The following ALLC variants were observed in gnomAD, a reference collection of about 807,000 sequenced individuals.
ALLC encodes probable inactive allantoicase.
A neutral mutation model predicts 45.0 loss-of-function variants in ALLC; 40 were observed. The observed-to-expected ratio is 0.89, with a 90% CI of 0.69 to 1.16. The LOEUF (loss-of-function observed/expected upper bound fraction) is 1.16, where lower values mean the gene tolerates loss of function less well. Ranked by LOEUF, ALLC falls within the 50% of genes most tolerant of loss-of-function variation. ALLC has a pLI of 0.00. For synonymous variants in ALLC, 176 were observed against 178.1 expected (o/e 0.99, Z 0.09); for missense variants, 488 against 493.1 (o/e 0.99, Z 0.10).
chr2:3,682,896 TA>T (rs1667231196), intron 6 of ALLC, 45 bp from the exon 7 acceptor site: 1 of 1,601,178 alleles, frequency 6.2e-7, no homozygotes, highest in Non-Finnish European at 8.5e-7. Context: ...TGACAGAATT[TA>T]TTGTTTTCAA....
intron 6 of ALLC, among the ~76,000 whole-genome samples, chr2:3,682,577 G>A (rs1236240050): frequency 6.6e-6 from 1 of 152,256 alleles, no homozygotes; most frequent in South Asian, 2.1e-4. Flanking sequence ...CCAGGCTGGA[G>A]TGCAGGGGCG....
At chr2:3,696,589 G>A (rs915548961) in intron 9 of ALLC, among the ~76,000 whole-genome samples, 3 of 152,112 alleles carry the variant, frequency 2.0e-5, no homozygotes, top group African/African-American at 7.2e-5. Flanking sequence ...ACATTCCTCT[G>A]TTTCTTCAAT....
At chr2:3,665,900 C>T (rs1572506185) in intron 1 of ALLC, among the ~76,000 whole-genome samples, 1 of 152,282 alleles carries the variant, frequency 6.6e-6, no homozygotes, top group Non-Finnish European at 1.5e-5. Context: ...GGTGGGGCTA[C>T]ACAGAGTGAA....
chr2:3,692,696 G>A (rs896217858), intron 7 of ALLC, among the ~76,000 whole-genome samples: 1 of 152,162 alleles, frequency 6.6e-6, no homozygotes, highest in Non-Finnish European at 1.5e-5. Flanking sequence ...GGGGACCTGT[G>A]GAACAAACCT....
At chr2:3,649,495 C>T in the ALLC span, among the ~76,000 whole-genome samples, 2 of 152,246 alleles carry the variant, frequency 1.3e-5, no homozygotes, top group Admixed American at 1.3e-4. Context: ...CCCGCCTCGG[C>T]CTCCCAAAGT....
At chr2:3,696,767 T>G (rs143412178) in intron 9 of ALLC, among the ~76,000 whole-genome samples, 2,184 of 152,334 alleles carry the variant, frequency 0.014, 52 homozygotes, top group Admixed American at 0.055. Flanking sequence ...TCCATGCAGC[T>G]GTTTAATTTG....
Position 3,661,946 on chromosome 2 carries a change from C to G in ALLC, c.-63+3652C>G, listed in dbSNP as rs1039199452. 2.0e-5 allele frequency among the ~76,000 whole-genome samples: 3 copies of G among 152,126 alleles called. No homozygotes were observed. In the East Asian group the frequency reaches 5.8e-4, roughly 29 times the overall value. On this transcript the variant is annotated intron_variant, in intron 1 of 11. Coordinates refer to ENST00000252505, the MANE Select transcript of ALLC (RefSeq NM_018436.4). ...GAGGCTCTGGGAGCATCCTCTTCTG[C>G]CTTGTTGGGGTTGTGGGCAGAATCC...
intron 10 of ALLC, 137 bp downstream of exon 10, chr2:3,697,593 A>G: frequency 1.6e-6 from 1 of 623,836 alleles, no homozygotes; most frequent in Non-Finnish European, 2.8e-6. Flanking sequence ...TGAGCATGCT[A>G]CTTTAACCCT....
At chr2:3,651,312 G>A in the ALLC span, among the ~76,000 whole-genome samples, 442 of 5,156 alleles carry the variant, frequency 0.086, 95 homozygotes, top group African/African-American at 0.22. Context: ...GGGTGGGTGG[G>A]TGGGGGGGGT....
intron 1 of ALLC, among the ~76,000 whole-genome samples, chr2:3,667,187 T>C (rs1052051835): frequency 6.6e-6 from 1 of 152,188 alleles, no homozygotes; most frequent in African/African-American, 2.4e-5. Flanking sequence ...GGGAGGTTCC[T>C]GAGCCCGCAG....
At chr2:3,687,469 G>T (rs1452222185) in intron 7 of ALLC, among the ~76,000 whole-genome samples, 3 of 150,918 alleles carry the variant, frequency 2.0e-5, no homozygotes, top group Admixed American at 2.0e-4. Context: ...GAGTTTGGAA[G>T]TACTCCTGCT....
At chr2:3,682,907 A>G in intron 6 of ALLC, 35 bp from the exon 7 acceptor site, 1 of 1,607,960 alleles carries the variant, frequency 6.2e-7, no homozygotes, top group Non-Finnish European at 8.5e-7. Context: ...ATTGTTTTCA[A>G]GAGCAATTGC....
chr2:3,692,064 T>C (rs1558546711), intron 7 of ALLC, among the ~76,000 whole-genome samples: 1 of 152,260 alleles, frequency 6.6e-6, no homozygotes, highest in South Asian at 2.1e-4. Context: ...TTTTGAATTA[T>C]TGATCACAGA....
intron 3 of ALLC, among the ~76,000 whole-genome samples, chr2:3,675,860 A>C (rs1667011987): frequency 6.6e-6 from 1 of 152,216 alleles, no homozygotes; most frequent in Non-Finnish European, 1.5e-5. Flanking sequence ...GCTTAAACAC[A>C]GTGATTTCTT....
At chr2:3,671,737 G>C (rs1246830142) in intron 2 of ALLC, among the ~76,000 whole-genome samples, 1 of 148,834 alleles carries the variant, frequency 6.7e-6, no homozygotes, top group Non-Finnish European at 1.5e-5. Context: ...TTAGATGGGA[G>C]GTCCTCTGGC....
chr2:3,661,423 G>T (rs927240792), intron 1 of ALLC, among the ~76,000 whole-genome samples: 60 of 152,298 alleles, frequency 3.9e-4, no homozygotes, highest in African/African-American at 1.4e-3. Context: ...GGGGGCTGCT[G>T]CCTGGGCTGG....
At position 3,680,541 on chromosome 2, in the gene ALLC, G is replaced by T. The variant is rs980196276; in HGVS notation, c.298+547G>T. ...CATATACACAGAGCAGACCTCAGGT[G>T]CTGAAGAAGCCAAGAAACCAAAGAA... On this transcript the variant is annotated intron_variant, in intron 5 of 11. Coordinates refer to ENST00000252505, the MANE Select transcript of ALLC (RefSeq NM_018436.4). The surrounding 1 kb of genome is among the most constrained non-coding windows in gnomAD (Gnocchi z 4.0). Among the ~76,000 whole-genome samples, 10 of 152,204 alleles carry T rather than the reference G, an allele frequency of 6.6e-5. No homozygotes were observed. Among genetic ancestry groups the T allele is most frequent in the African/African-American group, 1.9e-4 (8 of 41,440 alleles).
In ALLC at chr2:3,702,390, G is replaced by C. The variant is rs1195050934; in HGVS notation, c.1003G>C (p.Asp335His). Reference protein sequence around the residue: ...KLSPNQSHLFDSLTLELQDVI... With the variant: ...KLSPNQSHLFHSLTLELQDVI... ...GTCTCCCAACCAAAGTCATCTGTTC[G>C]ATAGCCTGACCCTAGAGCTCCAAGA... Residue 335 changes from aspartate (D) to histidine (H), a missense_variant, in exon 12 of 12, where the codon GAT (aspartate) becomes CAT (histidine). By Grantham distance (81) the Asp-to-His change is moderately conservative (BLOSUM62 -1). Coordinates refer to ENST00000252505, the MANE Select transcript of ALLC (RefSeq NM_018436.4). 5 of 1,613,082 alleles carry C rather than the reference G, an allele frequency of 3.1e-6. No individual in the cohort carries two copies. Among genetic ancestry groups the C allele is most frequent in the African/African-American group, 1.3e-5 (1 of 74,880 alleles).
intron 1 of ALLC, among the ~76,000 whole-genome samples, chr2:3,666,167 C>G (rs774248175): frequency 1.3e-5 from 2 of 152,184 alleles, no homozygotes; most frequent in African/African-American, 4.8e-5. Context: ...TACCAGGACC[C>G]CTGGCTTCTC....
Sources: gnomAD v4.1 joint callset for allele counts (sites outside exome capture counted in the v4.1 genomes callset) on GRCh38, gnomAD v4.1.1 for gene constraint, Gnocchi (gnomAD v3.1) non-coding constraint, MANE v1.5 for transcripts, NCBI Gene and HGNC (gene_info 2026-07-23, HGNC 2026-07-21) for gene names.